The following CENPW variants were observed in gnomAD, a reference collection of about 807,000 sequenced individuals.
The protein encoded by CENPW is centromere protein W.
CENPW carries 3 observed loss-of-function variants against 11.1 expected under a neutral mutation model. The ratio of observed to expected loss-of-function variants is 0.27; its 90% CI spans 0.12 to 0.70. The LOEUF (loss-of-function observed/expected upper bound fraction) is 0.70, where lower values mean the gene tolerates loss of function less well. Ranked by LOEUF, CENPW falls within the 30% of genes least tolerant of loss-of-function variation. The probability of loss-of-function intolerance (pLI) is 0.77; values close to 1 mark genes in which losing one functional copy is unlikely to be tolerated. For missense variants in CENPW, 100 were observed against 105.6 expected (o/e 0.95, Z 0.23); for synonymous variants, 38 against 42.0 (o/e 0.91, Z 0.37).
the CENPW span, among the ~76,000 whole-genome samples, chr6:126,430,424 A>G: frequency 2.0e-5 from 3 of 152,254 alleles, no homozygotes; most frequent in Admixed American, 6.5e-5. Flanking sequence ...ATAAAATAAA[A>G]AAGACATATA....
At chr6:126,387,375 T>G in the CENPW span, among the ~76,000 whole-genome samples, 2 of 151,962 alleles carry the variant, frequency 1.3e-5, no homozygotes, top group African/African-American at 4.8e-5. Context: ...CGGCGTAGCT[T>G]GATTTTGGAA....
chr6:126,356,027 A>T, the CENPW span, among the ~76,000 whole-genome samples: 1 of 152,162 alleles, frequency 6.6e-6, no homozygotes, highest in African/African-American at 2.4e-5. Context: ...TGCATGTTTT[A>T]AGAAATCTGG....
chr6:126,346,158 C>A, intron 1 of CENPW, 47 bp from the exon 2 acceptor site: 3 of 942,526 alleles, frequency 3.2e-6, no homozygotes, highest in Non-Finnish European at 3.3e-6. Flanking sequence ...TATTTCAATG[C>A]ATCAGTATTT....
At chr6:126,413,337 GAA>G in the CENPW span, among the ~76,000 whole-genome samples, 1 of 152,022 alleles carries the variant, frequency 6.6e-6, no homozygotes, top group Non-Finnish European at 1.5e-5. Flanking sequence ...AGCAAGAGAA[GAA>G]AAGTATCAAT....
downstream of CENPW, among the ~76,000 whole-genome samples, chr6:126,353,218 A>G (rs1053137396): frequency 1.5e-5 from 2 of 130,938 alleles, no homozygotes; most frequent in Admixed American, 1.5e-4. Flanking sequence ...ATATTTCCCT[A>G]TGGGATCTTT....
At chr6:126,356,285 G>T in the CENPW span, among the ~76,000 whole-genome samples, 3 of 151,948 alleles carry the variant, frequency 2.0e-5, no homozygotes, top group Non-Finnish European at 4.4e-5. Flanking sequence ...GTTTGTTTTT[G>T]CATGCTGTGT....
the CENPW span, among the ~76,000 whole-genome samples, chr6:126,449,655 CAA>C: frequency 1.4e-3 from 211 of 151,132 alleles, no homozygotes; most frequent in African/African-American, 4.7e-3. Flanking sequence ...AATAGCTTCA[CAA>C]AGAAAATAAC....
At chr6:126,379,291 T>C in the CENPW span, among the ~76,000 whole-genome samples, 156 of 152,300 alleles carry the variant, frequency 1.0e-3, no homozygotes, top group African/African-American at 3.5e-3. Flanking sequence ...GTTTCTTTTA[T>C]TAAGAAATTT....
the CENPW span, among the ~76,000 whole-genome samples, chr6:126,481,276 AT>A: frequency 5.8e-4 from 86 of 149,352 alleles, no homozygotes; most frequent in Middle Eastern, 3.5e-3. Context: ...TAACTAAGCA[AT>A]TTTTTTTTTG....
At chr6:126,403,325 C>G in the CENPW span, among the ~76,000 whole-genome samples, 1 of 152,056 alleles carries the variant, frequency 6.6e-6, no homozygotes, top group Non-Finnish European at 1.5e-5. Flanking sequence ...AGTGAGGAAG[C>G]CATGTTGAAA....
chr6:126,441,202 C>T, the CENPW span, among the ~76,000 whole-genome samples: 23 of 151,450 alleles, frequency 1.5e-4, no homozygotes, highest in Admixed American at 4.0e-4. Flanking sequence ...TGGCTAGCAA[C>T]GATCTAAGTT....
the CENPW span, among the ~76,000 whole-genome samples, chr6:126,463,760 A>G: frequency 8.8e-3 from 1,334 of 152,212 alleles, 16 homozygotes; most frequent in South Asian, 0.036. Flanking sequence ...AATAGAAAAC[A>G]GGAATAGCCC....
chr6:126,435,827 T>C, the CENPW span, among the ~76,000 whole-genome samples: 1 of 151,900 alleles, frequency 6.6e-6, no homozygotes, highest in Admixed American at 6.6e-5. Flanking sequence ...TTTGTGTAGA[T>C]AAAGCCTTGG....
downstream of CENPW, among the ~76,000 whole-genome samples, chr6:126,353,409 T>C (rs1216997799): frequency 6.6e-6 from 1 of 152,042 alleles, no homozygotes; most frequent in African/African-American, 2.4e-5. Context: ...TAAAATGTCA[T>C]TTTATGTCTT....
chr6:126,446,575 C>G, the CENPW span, among the ~76,000 whole-genome samples: 1 of 151,014 alleles, frequency 6.6e-6, no homozygotes, highest in African/African-American at 2.4e-5. Context: ...TGTAGACTGT[C>G]TCTTCTAAAA....
At chr6:126,482,021 G>A in the CENPW span, among the ~76,000 whole-genome samples, 1 of 151,826 alleles carries the variant, frequency 6.6e-6, no homozygotes, top group African/African-American at 2.4e-5. Context: ...ATTTTTCTTT[G>A]TGTTGTATTT....
intron 2 of CENPW, among the ~76,000 whole-genome samples, chr6:126,347,418 T>C (rs1398558414): frequency 1.3e-5 from 2 of 152,158 alleles, no homozygotes; most frequent in Non-Finnish European, 2.9e-5. Context: ...GAGAGAAATA[T>C]AGCAATAAGG....
At chr6:126,467,367 A>G in the CENPW span, among the ~76,000 whole-genome samples, 2 of 152,202 alleles carry the variant, frequency 1.3e-5, no homozygotes, top group Admixed American at 1.3e-4. Context: ...ATCTTCAACA[A>G]AGCTAACAAA....
the CENPW span, among the ~76,000 whole-genome samples, chr6:126,416,350 A>C: frequency 1.3e-5 from 2 of 152,184 alleles, 1 homozygote; most frequent in African/African-American, 4.8e-5. Context: ...CAGAGCACAA[A>C]AGTTTGGAAA....
Sources: allele counts gnomAD v4.1 joint callset (sites outside exome capture counted in the v4.1 genomes callset), GRCh38; gene constraint gnomAD v4.1.1; transcripts MANE v1.5; gene names NCBI Gene and HGNC (gene_info 2026-07-23, HGNC 2026-07-21).